The following ITPK1 variants were observed in gnomAD, a reference collection of about 807,000 sequenced individuals.
The protein encoded by ITPK1 is inositol-tetrakisphosphate 1-kinase.
In ITPK1, 21 loss-of-function variants were observed where a neutral mutation model predicts 45.3. The observed-to-expected ratio is 0.46, with a 90% CI of 0.33 to 0.67. The LOEUF (loss-of-function observed/expected upper bound fraction) is 0.67. Ranked by LOEUF, ITPK1 falls within the 30% of genes least tolerant of loss-of-function variation. The pLI is 0.02. For synonymous variants in ITPK1, 258 were observed against 253.6 expected, an observed-to-expected ratio of 1.02 and a Z score of -0.16; for missense variants, 474 against 573.5, an observed-to-expected ratio of 0.83 and a Z score of 1.77.
intron 10 of ITPK1, among the ~76,000 whole-genome samples, chr14:92,943,133 C>T (rs1887514371): frequency 6.6e-6 from 1 of 152,268 alleles, no homozygotes; most frequent in African/African-American, 2.4e-5. Context: ...CGGCGCCTCC[C>T]GAGCTGGCAC....
chr14:93,010,128 C>T (rs960156358), intron 4 of ITPK1, among the ~76,000 whole-genome samples: 1 of 152,204 alleles, frequency 6.6e-6, no homozygotes, highest in African/African-American at 2.4e-5. Context: ...AAACCCCTTC[C>T]CGGGGCCCAT....
chr14:93,022,629 AG>A (rs145388258), intron 3 of ITPK1, among the ~76,000 whole-genome samples: 4,452 of 151,456 alleles, frequency 0.029, 203 homozygotes, highest in African/African-American at 0.1. Flanking sequence ...TCTCCTGCCT[AG>A]CTTCCCAAGT....
At chr14:92,986,327 G>C (rs1886482637) in intron 5 of ITPK1, among the ~76,000 whole-genome samples, 1 of 152,182 alleles carries the variant, frequency 6.6e-6, no homozygotes, top group African/African-American at 2.4e-5. Flanking sequence ...TTATATCCCA[G>C]GGGAGCCAGG....
chr14:93,112,388 G>A (rs927150859), intron 2 of ITPK1, among the ~76,000 whole-genome samples: 1 of 151,870 alleles, frequency 6.6e-6, no homozygotes, highest in East Asian at 1.9e-4. Context: ...AACCCACCCC[G>A]GGCCGGACCA....
At chr14:93,104,422 C>T (rs1056384026) in intron 2 of ITPK1, among the ~76,000 whole-genome samples, 3 of 151,556 alleles carry the variant, frequency 2.0e-5, no homozygotes, top group African/African-American at 7.3e-5. Flanking sequence ...AAGATCACAC[C>T]TTGCACTCCG....
At chr14:92,987,953 C>T (rs897784203) in intron 5 of ITPK1, among the ~76,000 whole-genome samples, 2 of 152,246 alleles carry the variant, frequency 1.3e-5, no homozygotes, top group Non-Finnish European at 1.5e-5. Flanking sequence ...CGCACCTACC[C>T]GGCCTGGTCT....
At chr14:93,043,623 T>C (rs2139915600) in intron 3 of ITPK1, among the ~76,000 whole-genome samples, 1 of 152,354 alleles carries the variant, frequency 6.6e-6, no homozygotes, top group Admixed American at 6.5e-5. Flanking sequence ...ACTCAGGCCG[T>C]AGCCAGCCTC....
intron 5 of ITPK1, among the ~76,000 whole-genome samples, chr14:92,969,564 C>T (rs2099246419): frequency 6.6e-6 from 1 of 152,190 alleles, no homozygotes; most frequent in Non-Finnish European, 1.5e-5. Flanking sequence ...TGCACCCCCA[C>T]CATCTCAGTA....
intron 2 of ITPK1, among the ~76,000 whole-genome samples, chr14:93,108,838 C>T (rs1000675908): frequency 6.6e-6 from 1 of 152,170 alleles, no homozygotes; most frequent in Non-Finnish European, 1.5e-5. Flanking sequence ...GATGGCGAAA[C>T]CCAGTCTCTA....
intron 3 of ITPK1, chr14:93,066,498 G>A (rs879368104): frequency 7.6e-5 from 24 of 317,758 alleles, no homozygotes; most frequent in Non-Finnish European, 9.8e-5. Context: ...TCCGCCTCCC[G>A]CGTTCGCGCC....
intron 4 of ITPK1, among the ~76,000 whole-genome samples, chr14:93,006,081 A>G (rs1045649235): frequency 2.6e-5 from 4 of 151,864 alleles, no homozygotes; most frequent in African/African-American, 9.7e-5. Flanking sequence ...CAGCAGAGGG[A>G]CTCTGTTCAC....
chr14:92,957,330 A>G (rs560607333), intron 8 of ITPK1, among the ~76,000 whole-genome samples: 25 of 152,358 alleles, frequency 1.6e-4, no homozygotes, highest in African/African-American at 5.5e-4. Context: ...CTGGAAAGCT[A>G]CTTATCCCAA....
chr14:93,108,648 G>A (rs1322319143), intron 2 of ITPK1, among the ~76,000 whole-genome samples: 8 of 152,356 alleles, frequency 5.3e-5, no homozygotes, highest in East Asian at 1.9e-4. Flanking sequence ...AGGAGGGTGC[G>A]CAGCACAGGC....
In ITPK1 at chr14:93,096,197, C is replaced by T. The variant is rs368011346; in HGVS notation, c.95+18872G>A. Among the ~76,000 whole-genome samples, 9 of 152,330 alleles carry T rather than the reference C, an allele frequency of 5.9e-5. No individual in the cohort carries two copies. In the East Asian group the frequency reaches 9.6e-4, roughly 16 times the overall value. On this transcript the variant is annotated intron_variant, in intron 2 of 10. Coordinates refer to ENST00000267615, the MANE Select transcript of ITPK1 (RefSeq NM_014216.6). ...TCTGCACTTGCTAAACCCGCTTCCC[C>T]TGCCTGAGATGCCGCAGCCCCAGCT...
intron 3 of ITPK1, among the ~76,000 whole-genome samples, chr14:93,017,645 G>A (rs1226573602): frequency 2.0e-5 from 3 of 152,174 alleles, no homozygotes; most frequent in Non-Finnish European, 4.4e-5. Flanking sequence ...CCAGTGCCTC[G>A]GAGGCAGCGG....
intron 3 of ITPK1, among the ~76,000 whole-genome samples, chr14:93,065,570 T>C (rs1187327866): frequency 1.3e-4 from 20 of 152,294 alleles, no homozygotes. Context: ...ACCTGTCCAG[T>C]TCTAAGTCCA....
In ITPK1 at chr14:93,082,658, G is replaced by A. The variant is rs551441468; in HGVS notation, c.96-6039C>T. ...CAGTCCACATGACTGGGGGCGGCACGCCCACTCCAGGGGTGGGCACATGAC... is the reference window on the plus strand; with the variant it reads ...CAGTCCACATGACTGGGGGCGGCACACCCACTCCAGGGGTGGGCACATGAC... On this transcript the variant is annotated intron_variant, in intron 2 of 10. Transcript: ENST00000267615. 7.4e-4 allele frequency among the ~76,000 whole-genome samples: 113 copies of A among 152,316 alleles called. 1 individual carries two copies. The highest frequency in any genetic ancestry group is 2.4e-3 in the African/African-American group (98 of 41,566).
chr14:92,977,936 C>G (rs529139334), intron 5 of ITPK1, among the ~76,000 whole-genome samples: 3 of 151,910 alleles, frequency 2.0e-5, no homozygotes, highest in Non-Finnish European at 4.4e-5. Context: ...AACTTTGGAA[C>G]TAGATAACGG....
At chr14:93,093,672 G>T (rs560601974) in intron 2 of ITPK1, among the ~76,000 whole-genome samples, 1 of 152,190 alleles carries the variant, frequency 6.6e-6, no homozygotes, top group Non-Finnish European at 1.5e-5. Context: ...TGAGGCCACC[G>T]GCCCCATACA....
Sources: gnomAD v4.1 joint callset for allele counts (sites outside exome capture counted in the v4.1 genomes callset) on GRCh38, gnomAD v4.1.1 for gene constraint, MANE v1.5 for transcripts, NCBI Gene and HGNC (gene_info 2026-07-23, HGNC 2026-07-21) for gene names.